Variants in CACNA1D observed in about 807,000 individuals in gnomAD.
CACNA1D encodes the protein calcium voltage-gated channel subunit alpha1 D.
A neutral mutation model predicts 257.1 loss-of-function variants in CACNA1D; 55 were observed. The ratio of observed to expected loss-of-function variants is 0.21; its 90% CI spans 0.17 to 0.27. The LOEUF (loss-of-function observed/expected upper bound fraction) is 0.27, where lower values mean the gene tolerates loss of function less well. Among genes scored for constraint, CACNA1D ranks in the 10% least tolerant of loss-of-function variants. The probability of loss-of-function intolerance (pLI) is 1.00; values close to 1 mark genes in which losing one functional copy is unlikely to be tolerated. For missense variants in CACNA1D, 1,876 were observed against 2,784.0 expected, an observed-to-expected ratio of 0.67 and a Z score of 7.34; for synonymous variants, 980 against 1,014.9, an observed-to-expected ratio of 0.97 and a Z score of 0.65.
At chr3:53,784,247 T>C (rs1442573685) in intron 39 of CACNA1D, among the ~76,000 whole-genome samples, 1 of 152,160 alleles carries the variant, frequency 6.6e-6, no homozygotes, top group Non-Finnish European at 1.5e-5. Flanking sequence ...GTGGGTCCTT[T>C]CCCTTCATTT....
At chr3:53,696,751 T>G (rs1165835594) in intron 8 of CACNA1D, among the ~76,000 whole-genome samples, 2 of 152,066 alleles carry the variant, frequency 1.3e-5, no homozygotes, top group African/African-American at 4.8e-5. Context: ...GTTGCGGAAT[T>G]GAGAAGAGTG....
chr3:53,770,903 G>A (rs1357200424), intron 32 of CACNA1D, among the ~76,000 whole-genome samples: 1 of 152,200 alleles, frequency 6.6e-6, no homozygotes, highest in Non-Finnish European at 1.5e-5. Context: ...AAGCCCAACA[G>A]CCTCTCTCTG....
At chr3:53,630,792 G>A (rs550489196) in intron 3 of CACNA1D, among the ~76,000 whole-genome samples, 9 of 152,268 alleles carry the variant, frequency 5.9e-5, no homozygotes, top group Admixed American at 2.6e-4. Flanking sequence ...TTGGAGATAT[G>A]GTTGGTTTGG....
At chr3:53,643,770 C>T (rs2093989342) in intron 3 of CACNA1D, among the ~76,000 whole-genome samples, 1 of 152,236 alleles carries the variant, frequency 6.6e-6, no homozygotes, top group Admixed American at 6.5e-5. Context: ...CAGCCTGTCC[C>T]TTCCCTTCCC....
chr3:53,677,461 T>C (rs2094387570), intron 8 of CACNA1D, among the ~76,000 whole-genome samples: 1 of 152,230 alleles, frequency 6.6e-6, no homozygotes. Context: ...CTTCTAAAAA[T>C]ACATAAAGGG....
In CACNA1D at chr3:53,731,091, A is replaced by G. The variant is rs2094987335; in HGVS notation, c.2351A>G (p.Glu784Gly). The change falls in exon 17 of 48, where the codon GAA becomes GGA. Residue 784 changes from glutamate to glycine, a missense_variant. Transcript: ENST00000350061. ...CTTCTCTTTAGAAAAGAGAGCCTAG[A>G]AAATAAAAAGAACAACAAACCAGAA... ...RKKIARKESL[E>G]NKKNNKPEVN... The G allele has an allele frequency of 1.2e-6, 2 of 1,607,778 alleles. No individual in the cohort carries two copies. The highest frequency in any genetic ancestry group is 1.7e-6 in the Non-Finnish European group (2 of 1,174,216).
chr3:53,711,415 A>T (rs753573800), intron 9 of CACNA1D, among the ~76,000 whole-genome samples: 68 of 152,204 alleles, frequency 4.5e-4, no homozygotes, highest in Non-Finnish European at 7.8e-4. Context: ...TGTCAGGCCC[A>T]TCCCCAGGCA....
intron 5 of CACNA1D, among the ~76,000 whole-genome samples, chr3:53,660,496 C>T (rs772816218): frequency 2.4e-4 from 37 of 152,090 alleles, no homozygotes; most frequent in Non-Finnish European, 4.6e-4. Context: ...ATTTTGTGGA[C>T]GAAAGAATCT....
intron 29 of CACNA1D, among the ~76,000 whole-genome samples, chr3:53,756,282 AAG>A (rs1346395354): frequency 6.6e-5 from 10 of 152,156 alleles, no homozygotes; most frequent in African/African-American, 1.9e-4. Context: ...TGGGCCTCCT[AAG>A]AGAGTATATT....
At chr3:53,698,621 A>G (rs1270296517) in intron 8 of CACNA1D, among the ~76,000 whole-genome samples, 1 of 152,204 alleles carries the variant, frequency 6.6e-6, no homozygotes, top group Admixed American at 6.5e-5. Flanking sequence ...GAAGAACATT[A>G]ACATGGTTCC....
intron 9 of CACNA1D, among the ~76,000 whole-genome samples, chr3:53,714,279 G>A (rs2094795159): frequency 6.6e-6 from 1 of 152,148 alleles, no homozygotes; most frequent in Non-Finnish European, 1.5e-5. Context: ...GGGTCTGCCT[G>A]CACCTCTAAT....
At chr3:53,683,287 A>G (rs961792660) in intron 8 of CACNA1D, among the ~76,000 whole-genome samples, 1 of 152,216 alleles carries the variant, frequency 6.6e-6, no homozygotes, top group African/African-American at 2.4e-5. Flanking sequence ...GCTCAGCTGT[A>G]GTGGAAGGAC....
At chr3:53,698,866 C>A (rs1440635922) in intron 8 of CACNA1D, among the ~76,000 whole-genome samples, 1 of 149,828 alleles carries the variant, frequency 6.7e-6, no homozygotes, top group African/African-American at 2.5e-5. Flanking sequence ...CACACCATAA[C>A]CAAAATTCTG....
At chr3:53,796,738 G>A (rs2095509322) in intron 40 of CACNA1D, among the ~76,000 whole-genome samples, 2 of 152,170 alleles carry the variant, frequency 1.3e-5, no homozygotes, top group South Asian at 4.1e-4. Context: ...TACAGGCAAA[G>A]CGCCAACATT....
intron 3 of CACNA1D, among the ~76,000 whole-genome samples, chr3:53,640,694 A>C (rs147694253): frequency 3.3e-5 from 5 of 152,358 alleles, no homozygotes; most frequent in African/African-American, 1.2e-4. Flanking sequence ...ATTTACCTTC[A>C]TGATGACATG....
intron 3 of CACNA1D, among the ~76,000 whole-genome samples, chr3:53,627,531 G>C (rs2093773280): frequency 6.7e-6 from 1 of 149,522 alleles, no homozygotes; most frequent in Admixed American, 6.8e-5. Flanking sequence ...CCTCCCTCTA[G>C]CTGTTATCCT....
intron 21 of CACNA1D, among the ~76,000 whole-genome samples, chr3:53,742,202 A>G (rs895598393): frequency 4.6e-5 from 7 of 152,226 alleles, no homozygotes; most frequent in Non-Finnish European, 7.3e-5. Context: ...ATAAGGTTCA[A>G]TGTAATATTT....
intron 3 of CACNA1D, among the ~76,000 whole-genome samples, chr3:53,555,437 G>GGTGTGTGTGT (rs1165879084): frequency 6.5e-5 from 8 of 122,918 alleles, no homozygotes; most frequent in Middle Eastern, 4.0e-3. Context: ...TTTTCTGGTG[G>GGTGTGTGTGT]GTGTGTGTGT....
At chr3:53,603,017 G>C (rs1040452220) in intron 3 of CACNA1D, among the ~76,000 whole-genome samples, 5 of 152,228 alleles carry the variant, frequency 3.3e-5, no homozygotes, top group African/African-American at 1.2e-4. Context: ...TGCGTCACAG[G>C]ATGTTGTCAT....
Sources: gnomAD v4.1 joint callset for allele counts (sites outside exome capture counted in the v4.1 genomes callset) on GRCh38, gnomAD v4.1.1 for gene constraint, MANE v1.5 for transcripts, NCBI Gene and HGNC (gene_info 2026-07-23, HGNC 2026-07-21) for gene names.